The following BCAS3 variants were observed in gnomAD, a reference collection of about 807,000 sequenced individuals.
The protein encoded by BCAS3 is BCAS3 microtubule associated cell migration factor.
In BCAS3, 53 loss-of-function variants were observed where a neutral mutation model predicts 116.1. The observed-to-expected ratio is 0.46, with a 90% CI of 0.37 to 0.57. The LOEUF (loss-of-function observed/expected upper bound fraction) is 0.57, where lower values mean the gene tolerates loss of function less well. Ranked by LOEUF, BCAS3 falls within the 20% of genes least tolerant of loss-of-function variation. The probability of loss-of-function intolerance (pLI) is 0.00; values close to 1 mark genes in which losing one functional copy is unlikely to be tolerated. For missense variants in BCAS3, 917 were observed against 1,165.4 expected, an observed-to-expected ratio of 0.79 and a Z score of 3.10; for synonymous variants, 391 against 408.2, an observed-to-expected ratio of 0.96 and a Z score of 0.51.
At chr17:60,680,125 C>T (rs2032784302) in intron 2 of BCAS3, among the ~76,000 whole-genome samples, 2 of 104,402 alleles carry the variant, frequency 1.9e-5, no homozygotes, top group African/African-American at 6.9e-5. Flanking sequence ...CACAGCAAGA[C>T]TCTGTCTCCA....
At chr17:61,277,596 T>C (rs916353428) in intron 22 of BCAS3, among the ~76,000 whole-genome samples, 4 of 151,458 alleles carry the variant, frequency 2.6e-5, no homozygotes, top group African/African-American at 9.8e-5. Context: ...AAATCATATA[T>C]CTGATAAGGG....
chr17:60,864,316 G>A (rs1250589941), intron 7 of BCAS3, among the ~76,000 whole-genome samples: 1 of 152,212 alleles, frequency 6.6e-6, no homozygotes, highest in Non-Finnish European at 1.5e-5. Flanking sequence ...CGATTAAACT[G>A]CCATTGTGGA....
Position 61,118,526 on chromosome 17 carries a change from A to T in BCAS3, c.2425+33962A>T, listed in dbSNP as rs2075610256. ...AGGGATGAAAGTCCTGACTGTACTTAGCCTTCTCCAACACCACCCCTGTGG... is the reference window on the plus strand; with the variant it reads ...AGGGATGAAAGTCCTGACTGTACTTTGCCTTCTCCAACACCACCCCTGTGG... On this transcript the variant is annotated intron_variant, in intron 22 of 23. Coordinates refer to ENST00000407086, the MANE Select transcript of BCAS3 (RefSeq NM_017679.5). The surrounding 1 kb of genome is among the most constrained non-coding windows in gnomAD (Gnocchi z 5.0). Among the ~76,000 whole-genome samples, 1 of 152,148 alleles carries T rather than the reference A, an allele frequency of 6.6e-6. No individual in the cohort carries two copies. Among genetic ancestry groups the T allele is most frequent in the African/African-American group, 2.4e-5 (1 of 41,436 alleles).
intron 6 of BCAS3, among the ~76,000 whole-genome samples, chr17:60,755,640 ATTAAT>A (rs1281210851): frequency 2.0e-5 from 3 of 152,280 alleles, no homozygotes; most frequent in Non-Finnish European, 4.4e-5. Flanking sequence ...GTAGCTTTTT[ATTAAT>A]TTAACATTAT....
rs536674767 is a variant in BCAS3 at position 61,346,945 on chromosome 17, A to G, written c.2426-21382A>G. ...TCGTCATGTCACTTGGTCACTTGGC[A>G]CCTCTTCTCATGTTGGTCTGAAATA... On this transcript the variant is annotated intron_variant, in intron 22 of 23. Transcript: ENST00000407086. The surrounding 1 kb of genome is among the most constrained non-coding windows in gnomAD (Gnocchi z 5.4). 6.6e-6 allele frequency among the ~76,000 whole-genome samples: 1 copy of G among 151,992 alleles called. No homozygotes were observed. The highest frequency in any genetic ancestry group is 2.1e-4 in the South Asian group (1 of 4,804).
At chr17:60,747,154 C>A in intron 5 of BCAS3, 44 bp from the exon 6 acceptor site, 1 of 1,354,632 alleles carries the variant, frequency 7.4e-7, no homozygotes, top group Non-Finnish European at 1.0e-6. Context: ...ACTGTTGTGA[C>A]CTTCATTTTC....
rs2076183504 is a variant in BCAS3, at chr17:61,128,858, A to T, written c.2425+44294A>T. On this transcript the variant is annotated intron_variant, in intron 22 of 23. Transcript: ENST00000407086. This position sits in a 1 kb window ranked among gnomAD's most constrained non-coding sequence, Gnocchi z 4.1. ...CTCCTAAACACATGGTTAGCACAGA[A>T]AATTTAAATCAGTTCCCCAAAATTT... Among the ~76,000 whole-genome samples the T allele has an allele frequency of 6.6e-6, 1 of 152,204 alleles. No homozygotes were observed. Among genetic ancestry groups the T allele is most frequent in the Non-Finnish European group, 1.5e-5 (1 of 68,034 alleles).
chr17:60,899,321 C>G (rs1467590746), intron 10 of BCAS3, among the ~76,000 whole-genome samples: 1 of 152,158 alleles, frequency 6.6e-6, no homozygotes, highest in Non-Finnish European at 1.5e-5. Context: ...GCAGGAGCCT[C>G]TGCCCAGCTC....
chr17:61,221,927 T>G (rs527644522), intron 22 of BCAS3, among the ~76,000 whole-genome samples: 1 of 152,366 alleles, frequency 6.6e-6, no homozygotes, highest in East Asian at 1.9e-4. Context: ...CATTGAGAAT[T>G]CTAACTTACG....
chr17:60,997,940 C>T (rs182936450), intron 15 of BCAS3, among the ~76,000 whole-genome samples: 18 of 152,216 alleles, frequency 1.2e-4, no homozygotes, highest in East Asian at 7.7e-4. Flanking sequence ...CCATTGATTC[C>T]GTCACCCACA....
rs998903176 is a variant in BCAS3, at chr17:61,373,730, C to CCCCA, written c.2593+5239_2593+5240insACCC. Among the ~76,000 whole-genome samples, 10 of 11,588 alleles carry CCCCA rather than the reference C, an allele frequency of 8.6e-4. No individual in the cohort carries two copies. The Non-Finnish European group carries it at 0.017, about 20-fold the overall frequency. The allele number at this position is 11,588 out of a possible 152,430, so 7.6% of individuals were successfully genotyped here. A position where few individuals can be genotyped will look rare whatever the true frequency, so the allele number is the denominator to read the frequency against. On this transcript the variant is annotated intron_variant, in intron 23 of 23. Coordinates refer to ENST00000407086, the MANE Select transcript of BCAS3 (RefSeq NM_017679.5). ...TACAGGCATGAACCACGATGCCCAG[C>CCCCA]CCCTGTTTAAAGTATTCTTGATGCA...
At chr17:60,966,288 C>T (rs567881278) in intron 14 of BCAS3, among the ~76,000 whole-genome samples, 46 of 152,232 alleles carry the variant, frequency 3.0e-4, no homozygotes, top group Non-Finnish European at 5.7e-4. Flanking sequence ...TCAGCCACTC[C>T]GTGCCTTTTA....
Position 61,313,233 on chromosome 17 carries a change from A to G in BCAS3, c.2426-55094A>G, listed in dbSNP as rs1248099395. 2.0e-5 allele frequency among the ~76,000 whole-genome samples: 3 copies of G among 152,186 alleles called. No homozygotes were observed. The highest frequency in any genetic ancestry group is 1.3e-4 in the Admixed American group (2 of 15,280). Reference sequence around the variant, plus strand: ...CTAAGAGGAAACTAAGGTTCAAAGAACCAATACTTTCTCAATGCCATATAA... The same window carrying G: ...CTAAGAGGAAACTAAGGTTCAAAGAGCCAATACTTTCTCAATGCCATATAA... On this transcript the variant is annotated intron_variant, in intron 22 of 23. Transcript: ENST00000407086. The surrounding 1 kb of genome is among the most constrained non-coding windows in gnomAD (Gnocchi z 4.3).
intron 21 of BCAS3, among the ~76,000 whole-genome samples, chr17:61,080,571 C>A (rs2072492615): frequency 6.6e-6 from 1 of 151,936 alleles, no homozygotes; most frequent in Admixed American, 6.6e-5. Context: ...GATGAAACCC[C>A]ATCAAAACCC....
intron 7 of BCAS3, among the ~76,000 whole-genome samples, chr17:60,823,570 A>G (rs766392418): frequency 6.6e-6 from 1 of 152,166 alleles, no homozygotes; most frequent in Non-Finnish European, 1.5e-5. Context: ...TCTCTTACAA[A>G]CAAAACAAAA....
intron 6 of BCAS3, among the ~76,000 whole-genome samples, chr17:60,768,118 CTT>C (rs1190478806): frequency 1.3e-5 from 2 of 152,088 alleles, no homozygotes; most frequent in Admixed American, 1.3e-4. Flanking sequence ...GGTGCTTTGA[CTT>C]TGATTTTAGG....
chr17:60,854,313 G>A lies in BCAS3; in HGVS notation c.477-14263G>A, dbSNP rs568796257. 2.6e-5 allele frequency among the ~76,000 whole-genome samples: 4 copies of A among 152,250 alleles called. No individual in the cohort carries two copies. In the East Asian group the frequency reaches 7.7e-4, roughly 29 times the overall value. On this transcript the variant is annotated intron_variant, in intron 7 of 23. Transcript: ENST00000407086. ...CAGTCTATCATTGATGCACATTTGGGTTGGTTCCAAGTCTTTGCTGTTGTG... is the reference window on the plus strand; with the variant it reads ...CAGTCTATCATTGATGCACATTTGGATTGGTTCCAAGTCTTTGCTGTTGTG...
chr17:60,910,710 G>A lies in BCAS3; in HGVS notation c.993+8G>A, dbSNP rs775426428. 10 of 1,599,092 alleles carry A rather than the reference G, an allele frequency of 6.3e-6. No homozygotes were observed. The East Asian group carries it at 2.1e-4, about 33-fold the overall frequency. ...ACCGTTGGAGAGGGCCAGGTAAGAAGAACTTTTGGTGCGTACCATGTGTGT... is the reference window on the plus strand; with the variant it reads ...ACCGTTGGAGAGGGCCAGGTAAGAAAAACTTTTGGTGCGTACCATGTGTGT... On this transcript the variant is annotated splice_region_variant and intron_variant, in intron 12 of 23. Coordinates refer to ENST00000407086, the MANE Select transcript of BCAS3 (RefSeq NM_017679.5).
At chr17:60,733,515 A>G (rs968051130) in intron 5 of BCAS3, among the ~76,000 whole-genome samples, 7 of 152,144 alleles carry the variant, frequency 4.6e-5, no homozygotes, top group African/African-American at 1.7e-4. Context: ...TTCTTTTCCT[A>G]TGATCTTCCA....
Sources: allele counts gnomAD v4.1 joint callset (sites outside exome capture counted in the v4.1 genomes callset), GRCh38; gene constraint gnomAD v4.1.1; non-coding constraint Gnocchi (gnomAD v3.1); transcripts MANE v1.5; gene names NCBI Gene and HGNC (gene_info 2026-07-23, HGNC 2026-07-21).